The following TENM3 variants were observed in gnomAD, a reference collection of about 807,000 sequenced individuals.
TENM3 encodes the protein teneurin transmembrane protein 3, also known as teneurin-3.
Under a neutral mutation model 255.1 loss-of-function variants are expected in TENM3, and 63 were observed. That is an observed-to-expected ratio of 0.25 (90% CI 0.20 to 0.30). The LOEUF (loss-of-function observed/expected upper bound fraction) is 0.30, where lower values mean the gene tolerates loss of function less well. TENM3 is among the 10% of genes least tolerant of loss of function. The pLI is 1.00. For synonymous variants in TENM3, 1,306 were observed against 1,322.3 expected, an observed-to-expected ratio of 0.99 and a Z score of 0.27; for missense variants, 2,929 against 3,461.1, an observed-to-expected ratio of 0.85 and a Z score of 3.86.
At chr4:181,579,134 G>A in the TENM3 span, among the ~76,000 whole-genome samples, 2 of 152,144 alleles carry the variant, frequency 1.3e-5, no homozygotes, top group Middle Eastern at 3.4e-3. Flanking sequence ...AGGAAGAAGC[G>A]GACTCTGGCC....
At chr4:182,380,789 G>A (rs746791124) in intron 3 of TENM3, among the ~76,000 whole-genome samples, 3 of 152,204 alleles carry the variant, frequency 2.0e-5, no homozygotes, top group Non-Finnish European at 2.9e-5. Context: ...ATTTCAGCAA[G>A]GGTGTGATTA....
chr4:181,535,637 G>A, the TENM3 span, among the ~76,000 whole-genome samples: 1 of 152,170 alleles, frequency 6.6e-6, no homozygotes, highest in African/African-American at 2.4e-5. Context: ...TTCAGCCTCA[G>A]CCTTTCTTCA....
chr4:181,978,229 A>G, the TENM3 span, among the ~76,000 whole-genome samples: 1 of 152,208 alleles, frequency 6.6e-6, no homozygotes, highest in South Asian at 2.1e-4. Flanking sequence ...TGTTCTCTAC[A>G]TGGTGGGAAC....
chr4:182,313,573 A>C (rs1239186073), intron 1 of TENM3, among the ~76,000 whole-genome samples: 1 of 152,198 alleles, frequency 6.6e-6, no homozygotes, highest in Non-Finnish European at 1.5e-5. Flanking sequence ...GTGAACACCA[A>C]AAAGCTAGGA....
At chr4:181,779,412 G>A in the TENM3 span, among the ~76,000 whole-genome samples, 1 of 151,858 alleles carries the variant, frequency 6.6e-6, no homozygotes, top group Non-Finnish European at 1.5e-5. Flanking sequence ...GGGAAACATA[G>A]TTTCATTTTC....
At chr4:182,055,600 G>A in the TENM3 span, among the ~76,000 whole-genome samples, 24 of 151,986 alleles carry the variant, frequency 1.6e-4, no homozygotes, top group Non-Finnish European at 2.9e-4. Context: ...CTAATCCACC[G>A]CTCTCACTTG....
the TENM3 span, among the ~76,000 whole-genome samples, chr4:181,726,429 A>G: frequency 3.3e-5 from 5 of 152,152 alleles, no homozygotes; most frequent in African/African-American, 4.8e-5. Flanking sequence ...TATCATCCCA[A>G]TCTTCAAGGA....
At chr4:181,803,967 A>G in the TENM3 span, among the ~76,000 whole-genome samples, 192 of 150,690 alleles carry the variant, frequency 1.3e-3, 2 homozygotes, top group South Asian at 0.037. Flanking sequence ...AGAAAGAAAG[A>G]AAAAGAAAGG....
the TENM3 span, among the ~76,000 whole-genome samples, chr4:181,938,702 C>A: frequency 6.6e-6 from 1 of 152,276 alleles, no homozygotes; most frequent in South Asian, 2.1e-4. Flanking sequence ...CCATTTCGAG[C>A]CCTTTGAGAG....
intron 3 of TENM3, among the ~76,000 whole-genome samples, chr4:182,525,743 C>T (rs573453436): frequency 6.6e-6 from 1 of 152,134 alleles, no homozygotes; most frequent in Non-Finnish European, 1.5e-5. Flanking sequence ...TTACTTGCCT[C>T]TTTGTCAGTT....
At chr4:181,553,353 T>G in the TENM3 span, among the ~76,000 whole-genome samples, 1 of 148,810 alleles carries the variant, frequency 6.7e-6, no homozygotes, top group African/African-American at 2.5e-5. Context: ...CACACACACA[T>G]ATGTGTAATA....
At chr4:181,464,867 C>T in the TENM3 span, among the ~76,000 whole-genome samples, 2 of 152,146 alleles carry the variant, frequency 1.3e-5, no homozygotes, top group African/African-American at 4.8e-5. Context: ...AGGAGAATGA[C>T]TTGAACCCAG....
the TENM3 span, among the ~76,000 whole-genome samples, chr4:182,045,550 C>T: frequency 5.9e-5 from 9 of 151,964 alleles, no homozygotes; most frequent in Admixed American, 1.3e-4. Flanking sequence ...AGTTGAATCG[C>T]GATTTACTCT....
chr4:182,192,377 A>G (rs1050221854), intron 1 of TENM3, among the ~76,000 whole-genome samples: 2 of 152,164 alleles, frequency 1.3e-5, no homozygotes, highest in Admixed American at 1.3e-4. Context: ...TGTATCTCCC[A>G]TTGCCCTTTC....
Position 182,799,379 on chromosome 4 carries a change from T to C in TENM3, c.7345-217T>C, listed in dbSNP as rs75424659. On this transcript the variant is annotated intron_variant, in intron 27 of 27. Coordinates refer to ENST00000511685, the MANE Select transcript of TENM3 (RefSeq NM_001080477.4). This position sits in a 1 kb window ranked among gnomAD's most constrained non-coding sequence, Gnocchi z 4.2. ...AAGAAAGCTTTAAAGTGATCCACGA[T>C]GAGTGAGCCATTTGGGGGTTCCAGA... Among the ~76,000 whole-genome samples, 48 of 152,322 alleles carry C rather than the reference T, an allele frequency of 3.2e-4. No homozygotes were observed. The East Asian group carries it at 7.0e-3, about 22-fold the overall frequency.
At chr4:182,213,334 T>C (rs1311534323) in intron 1 of TENM3, among the ~76,000 whole-genome samples, 3 of 152,312 alleles carry the variant, frequency 2.0e-5, no homozygotes, top group Non-Finnish European at 4.4e-5. Flanking sequence ...AGAAATTATG[T>C]GAATTACCAT....
At chr4:182,483,303 A>T (rs1734378564) in intron 3 of TENM3, among the ~76,000 whole-genome samples, 1 of 152,160 alleles carries the variant, frequency 6.6e-6, no homozygotes, top group Admixed American at 6.5e-5. Context: ...GTGTGTGTTT[A>T]TGTTTATGTA....
At position 182,180,489 on chromosome 4, in the gene TENM3, A is replaced by G. The variant is rs78256133; in HGVS notation, c.-76+35735A>G. 4.7e-3 allele frequency among the ~76,000 whole-genome samples: 709 copies of G among 152,324 alleles called. 6 individuals are homozygous for G. Among genetic ancestry groups the G allele is most frequent in the African/African-American group, 0.016 (684 of 41,580 alleles). On this transcript the variant is annotated intron_variant, in intron 1 of 2. Coordinates refer to the TENM3 transcript ENST00000512480. ...TTCATAGCATCTGGTGATGTTATAT[A>G]GTAAAGAGAGTAGTATTTTTTTAAT... is the stretch of plus-strand genomic sequence containing the variant.
At chr4:182,045,071 G>C in the TENM3 span, among the ~76,000 whole-genome samples, 84,691 of 152,134 alleles carry the variant, frequency 0.56, 28,197 homozygotes, top group South Asian at 0.75. Flanking sequence ...GGATGTTTCG[G>C]TGTTTTGCAA....
Sources: gnomAD v4.1 joint callset for allele counts (sites outside exome capture counted in the v4.1 genomes callset) on GRCh38, gnomAD v4.1.1 for gene constraint, Gnocchi (gnomAD v3.1) non-coding constraint, MANE v1.5 for transcripts, NCBI Gene and HGNC (gene_info 2026-07-23, HGNC 2026-07-21) for gene names.